CPEB3: variants seen among roughly 807,000 people sequenced by gnomAD.
CPEB3 encodes cytoplasmic polyadenylation element binding protein 3, also known as cytoplasmic polyadenylation element-binding protein 3.
Under a neutral mutation model 67.2 loss-of-function variants are expected in CPEB3, and 20 were observed. The observed-to-expected ratio is 0.30, with a 90% CI of 0.21 to 0.43. CPEB3 has a LOEUF of 0.43. CPEB3 is among the 20% of genes least tolerant of loss of function. CPEB3 has a pLI of 1.00. For synonymous variants in CPEB3, 376 were observed against 393.1 expected, an observed-to-expected ratio of 0.96 and a Z score of 0.51; for missense variants, 746 against 968.6, an observed-to-expected ratio of 0.77 and a Z score of 3.05.
intron 1 of CPEB3, among the ~76,000 whole-genome samples, chr10:92,252,126 A>G (rs1055697025): frequency 1.9e-4 from 29 of 152,088 alleles, no homozygotes; most frequent in Admixed American, 1.9e-3. Flanking sequence ...ATATCCCCCC[A>G]AGAATAGGCA....
chr10:92,057,994 G>A lies in CPEB3; in HGVS notation c.1870-5555C>T, dbSNP rs533230647. Among the ~76,000 whole-genome samples, 8 of 152,306 alleles carry A rather than the reference G, an allele frequency of 5.3e-5. No homozygotes were observed. The East Asian group carries it at 1.5e-3, about 29-fold the overall frequency. ...GGACAGGTATAAATAAGCCCAGACA[G>A]TGAAGACTACAACGAATATCTAATT... On this transcript the variant is annotated intron_variant, in intron 9 of 9. Coordinates refer to ENST00000265997, the MANE Select transcript of CPEB3 (RefSeq NM_014912.5).
At chr10:92,282,385 A>C (rs773348944) in intron 1 of CPEB3, among the ~76,000 whole-genome samples, 3 of 152,162 alleles carry the variant, frequency 2.0e-5, no homozygotes, top group Non-Finnish European at 2.9e-5. Context: ...AAGAAACTAA[A>C]GTCAAATCAA....
chr10:92,277,989 C>T (rs1213920474), intron 1 of CPEB3, among the ~76,000 whole-genome samples: 1 of 151,848 alleles, frequency 6.6e-6, no homozygotes, highest in Non-Finnish European at 1.5e-5. Context: ...TCAAGACCAG[C>T]CTGGCCAAGA....
chr10:92,102,051 T>G (rs1346610302), intron 7 of CPEB3, among the ~76,000 whole-genome samples: 24 of 152,244 alleles, frequency 1.6e-4, no homozygotes. Flanking sequence ...ACACTGATAT[T>G]GGCATCTCAT....
chr10:92,272,849 A>C (rs562797290), intron 1 of CPEB3, among the ~76,000 whole-genome samples: 2 of 152,322 alleles, frequency 1.3e-5, no homozygotes, highest in South Asian at 4.1e-4. Context: ...GGAGTTCATT[A>C]CTTAAAAGGT....
Position 92,267,301 on chromosome 10 carries a change from T to C in CPEB3, c.-12+23625A>G, listed in dbSNP as rs192129504. ...GTTGTTTTACAACCCTTTAAAAATA[T>C]AAAAACCATTCTTAGTTTTGGCAGT... is the stretch of plus-strand genomic sequence containing the variant. On this transcript the variant is annotated intron_variant, in intron 1 of 9. Transcript: ENST00000265997. 3.3e-5 allele frequency among the ~76,000 whole-genome samples: 5 copies of C among 152,294 alleles called. No homozygotes were observed. The East Asian group carries it at 7.7e-4, about 24-fold the overall frequency.
At chr10:92,268,615 A>C (rs1853165573) in intron 1 of CPEB3, among the ~76,000 whole-genome samples, 1 of 152,266 alleles carries the variant, frequency 6.6e-6, no homozygotes, top group African/African-American at 2.4e-5. Context: ...GGTTGTAAAC[A>C]TAAGTTGGTC....
chr10:92,201,055 A>T (rs978055900), intron 2 of CPEB3, among the ~76,000 whole-genome samples: 3 of 152,180 alleles, frequency 2.0e-5, no homozygotes, highest in African/African-American at 7.2e-5. Context: ...TATGCAATTT[A>T]AAAAGGAGTG....
chr10:92,118,709 A>G, intron 6 of CPEB3: 1 of 725,100 alleles, frequency 1.4e-6, no homozygotes, highest in South Asian at 1.4e-5. Flanking sequence ...AGCCCACTTT[A>G]GCCCTCAGCT....
In CPEB3 at chr10:92,243,650, C is replaced by T. The variant is rs1387440766; in HGVS notation, c.-11-3289G>A. Among the ~76,000 whole-genome samples the T allele has an allele frequency of 2.6e-5, 4 of 152,170 alleles. No individual in the cohort carries two copies. The East Asian group carries it at 7.7e-4, about 29-fold the overall frequency. ...AGAGACTGGGGTGGAGAGGAATAGG[C>T]AAGGGAGGGGGAACTACTGGAGAAT... is the stretch of plus-strand genomic sequence containing the variant. On this transcript the variant is annotated intron_variant, in intron 1 of 9. Coordinates refer to ENST00000265997, the MANE Select transcript of CPEB3 (RefSeq NM_014912.5).
chr10:92,172,715 G>C (rs1255049955), intron 4 of CPEB3, among the ~76,000 whole-genome samples: 1 of 152,134 alleles, frequency 6.6e-6, no homozygotes, highest in African/African-American at 2.4e-5. Context: ...CTGCATTTCA[G>C]TTTCACACAC....
chr10:92,257,191 A>G (rs1738825725), intron 1 of CPEB3, among the ~76,000 whole-genome samples: 2 of 152,248 alleles, frequency 1.3e-5, no homozygotes, highest in African/African-American at 4.8e-5. Flanking sequence ...TTTGTTTCCA[A>G]GTTTTCACTA....
At chr10:92,116,252 TAAAAAA>T (rs1208917572) in intron 6 of CPEB3, among the ~76,000 whole-genome samples, 1 of 145,884 alleles carries the variant, frequency 6.9e-6, no homozygotes, top group African/African-American at 2.5e-5. Context: ...CACCTTCCAG[TAAAAAA>T]AAAAAAAAAT....
intron 4 of CPEB3, among the ~76,000 whole-genome samples, chr10:92,150,438 T>G (rs1198514323): frequency 6.6e-6 from 1 of 152,106 alleles, no homozygotes; most frequent in African/African-American, 2.4e-5. Context: ...CGTTAATAAA[T>G]TCAGGACTCT....
intron 1 of CPEB3, among the ~76,000 whole-genome samples, chr10:92,273,270 T>G (rs1853381323): frequency 6.6e-6 from 1 of 152,200 alleles, no homozygotes; most frequent in Non-Finnish European, 1.5e-5. Context: ...ACTTGTCTCT[T>G]CTGTTAAACT....
chr10:92,290,316 G>A lies in CPEB3; in HGVS notation c.-12+610C>T, dbSNP rs17107521. 2.0e-5 allele frequency among the ~76,000 whole-genome samples: 3 copies of A among 151,820 alleles called. No homozygotes were observed. The East Asian group carries it at 5.8e-4, about 29-fold the overall frequency. ...AACGTCAGAAGCTGACCCAAGGAGT[G>A]ACTGATGATTTCTCCTTTTTGATTC... On this transcript the variant is annotated intron_variant, in intron 1 of 9. Transcript: ENST00000265997.
At chr10:92,244,418 C>A (rs1390301541) in intron 1 of CPEB3, among the ~76,000 whole-genome samples, 2 of 151,192 alleles carry the variant, frequency 1.3e-5, no homozygotes, top group African/African-American at 4.8e-5. Context: ...TGACTTCTTT[C>A]TTTAAGACAA....
intron 1 of CPEB3, among the ~76,000 whole-genome samples, chr10:92,280,121 T>A (rs1323369475): frequency 6.6e-6 from 1 of 150,962 alleles, no homozygotes; most frequent in Non-Finnish European, 1.5e-5. Flanking sequence ...GGCAGGTGGA[T>A]CACCTGTTGT....
intron 1 of CPEB3, among the ~76,000 whole-genome samples, chr10:92,241,523 A>G (rs1590506531): frequency 1.3e-5 from 2 of 152,196 alleles, no homozygotes; most frequent in East Asian, 3.9e-4. Context: ...TGCTAGCAAA[A>G]GTGTTAAAAA....
Sources: gnomAD v4.1 joint callset for allele counts (sites outside exome capture counted in the v4.1 genomes callset) on GRCh38, gnomAD v4.1.1 for gene constraint, MANE v1.5 for transcripts, NCBI Gene and HGNC (gene_info 2026-07-23, HGNC 2026-07-21) for gene names.